CDH19: variants seen among roughly 807,000 people sequenced by gnomAD.
The protein encoded by CDH19 is cadherin-19.
In CDH19, 67 loss-of-function variants were observed where a neutral mutation model predicts 64.2. The observed-to-expected ratio is 1.04, with a 90% CI of 0.86 to 1.28. The LOEUF (loss-of-function observed/expected upper bound fraction) is 1.28, where lower values mean the gene tolerates loss of function less well. Among genes scored for constraint, CDH19 ranks in the 50% most tolerant of loss-of-function variants. The probability of loss-of-function intolerance (pLI) is 0.00; values close to 1 mark genes in which losing one functional copy is unlikely to be tolerated. For missense variants in CDH19, 1,030 were observed against 929.0 expected, an observed-to-expected ratio of 1.11 and a Z score of -1.41; for synonymous variants, 346 against 319.3, an observed-to-expected ratio of 1.08 and a Z score of -0.89.
chr18:66,544,348 T>C (rs1987019894), intron 6 of CDH19, 124 bp from the exon 7 acceptor site: 1 of 782,186 alleles, frequency 1.3e-6, no homozygotes. Flanking sequence ...TCTTTTTATG[T>C]ACATGGATCT....
chr18:66,554,282 G>A (rs756590695), intron 4 of CDH19, 123 bp downstream of exon 4: 118 of 868,768 alleles, frequency 1.4e-4, no homozygotes, highest in Non-Finnish European at 1.7e-4. Flanking sequence ...CTTAGGAATT[G>A]CAATCTTTTT....
intron 5 of CDH19, among the ~76,000 whole-genome samples, chr18:66,549,372 A>G (rs1044496103): frequency 5.3e-5 from 8 of 151,992 alleles, no homozygotes; most frequent in Non-Finnish European, 1.0e-4. Context: ...TTTAGACCAA[A>G]TTTATTTAAT....
chr18:66,532,499 C>G (rs986602334), intron 8 of CDH19: 6 of 229,710 alleles, frequency 2.6e-5, no homozygotes, highest in Admixed American at 5.3e-5. Context: ...TACACACACA[C>G]ACACACACAC....
intron 9 of CDH19, among the ~76,000 whole-genome samples, chr18:66,525,942 C>T (rs186738351): frequency 1.3e-5 from 2 of 152,172 alleles, no homozygotes; most frequent in Admixed American, 6.5e-5. Flanking sequence ...TGACCAATGT[C>T]CCTTATTTTG....
At chr18:66,529,666 TTG>T (rs1986361770) in intron 9 of CDH19, among the ~76,000 whole-genome samples, 177 bp downstream of exon 9, 1 of 147,860 alleles carries the variant, frequency 6.8e-6, no homozygotes, top group African/African-American at 2.4e-5. Flanking sequence ...TATATATAAT[TTG>T]TATATATATT....
intron 3 of CDH19, 79 bp from the exon 4 acceptor site, chr18:66,554,603 T>TAAAGAAAG: frequency 8.6e-7 from 1 of 1,169,148 alleles, no homozygotes; most frequent in Non-Finnish European, 1.2e-6. Flanking sequence ...GGTCTTTCTT[T>TAAAGAAAG]ACCAAGCAAG....
chr18:66,543,183 G>A (rs1294203978), intron 7 of CDH19, among the ~76,000 whole-genome samples: 2 of 151,980 alleles, frequency 1.3e-5, no homozygotes, highest in African/African-American at 4.8e-5. Context: ...CCGCCGCCAC[G>A]CCTGGCTAAT....
intron 7 of CDH19, among the ~76,000 whole-genome samples, chr18:66,535,334 A>C (rs1404225058): frequency 6.6e-6 from 1 of 151,618 alleles, no homozygotes; most frequent in East Asian, 1.9e-4. Flanking sequence ...TGGATGCTAA[A>C]TCTAAAATTA....
intron 1 of CDH19, among the ~76,000 whole-genome samples, chr18:66,601,818 G>T (rs1467264560): frequency 7.7e-6 from 1 of 130,536 alleles, no homozygotes; most frequent in Non-Finnish European, 1.9e-5. Flanking sequence ...GGTGAGAGTG[G>T]GTAAAAAAAA....
intron 1 of CDH19, among the ~76,000 whole-genome samples, chr18:66,588,620 C>A (rs545095512): frequency 0.16 from 16,684 of 102,832 alleles, 2,988 homozygotes; most frequent in Non-Finnish European, 0.28. Flanking sequence ...ATATCTATAT[C>A]TATATCTATA....
chr18:66,545,018 G>A (rs1260296221), intron 5 of CDH19, 115 bp from the exon 6 acceptor site: 16 of 758,060 alleles, frequency 2.1e-5, no homozygotes, highest in African/African-American at 3.6e-5. Context: ...TCATTCTGTC[G>A]CCCAGGCTGG....
intron 9 of CDH19, among the ~76,000 whole-genome samples, chr18:66,525,311 C>T (rs551978394): frequency 8.5e-5 from 13 of 152,134 alleles, no homozygotes; most frequent in African/African-American, 2.9e-4. Context: ...ATATGCACAC[C>T]ATTTCAGTTA....
chr18:66,540,073 TTCTC>T (rs150057094), intron 7 of CDH19, among the ~76,000 whole-genome samples: 6 of 149,594 alleles, frequency 4.0e-5, no homozygotes, highest in African/African-American at 7.3e-5. Flanking sequence ...AATTTTTGTC[TTCTC>T]TCTCTCTCTC....
chr18:66,568,269 C>T, intron 3 of CDH19, 147 bp downstream of exon 3: 1 of 600,652 alleles, frequency 1.7e-6, no homozygotes, highest in South Asian at 2.5e-5. Flanking sequence ...GATGCATAGT[C>T]TAATTTTTCA....
rs11410904 is a variant in CDH19, at chr18:66,582,639, C to CAAAAAAAAAAAA, written c.-112-10335_-112-10324dup. On this transcript the variant is annotated intron_variant, in intron 1 of 11. Transcript: ENST00000262150. ...ATATAATTTGCATACTTACTGTCAC[C>CAAAAAAAAAAAA]AAAAAAAAAAAAAAAAAAAAAAAGC... Among the ~76,000 whole-genome samples, 4 of 72,896 alleles carry CAAAAAAAAAAAA rather than the reference C, an allele frequency of 5.5e-5. 2 individuals are homozygous for CAAAAAAAAAAAA. Among genetic ancestry groups the CAAAAAAAAAAAA allele is most frequent in the Non-Finnish European group, 1.0e-4 (4 of 39,658 alleles). The allele number at this position is 72,896 out of a possible 152,430, so 47.8% of individuals were successfully genotyped here. A position where few individuals can be genotyped will look rare whatever the true frequency, so the allele number is the denominator to read the frequency against.
chr18:66,556,147 A>G (rs1182167110), intron 3 of CDH19, among the ~76,000 whole-genome samples: 1 of 151,556 alleles, frequency 6.6e-6, no homozygotes, highest in Non-Finnish European at 1.5e-5. Flanking sequence ...TGCTTTTTCT[A>G]TAAAATAAAT....
chr18:66,581,586 T>C (rs1988422471), intron 1 of CDH19, among the ~76,000 whole-genome samples: 1 of 152,122 alleles, frequency 6.6e-6, no homozygotes, highest in Non-Finnish European at 1.5e-5. Flanking sequence ...CTGAGTCTTC[T>C]GGCTTTCATC....
chr18:66,515,973 C>A (rs1173124980), intron 9 of CDH19, among the ~76,000 whole-genome samples: 3 of 151,756 alleles, frequency 2.0e-5, no homozygotes, highest in Non-Finnish European at 4.4e-5. Flanking sequence ...GAATTGCAAA[C>A]TTAAAAAGTA....
intron 7 of CDH19, among the ~76,000 whole-genome samples, chr18:66,543,403 T>C (rs917383848): frequency 6.6e-5 from 10 of 152,214 alleles, no homozygotes; most frequent in African/African-American, 2.2e-4. Context: ...TTTCCTCTTA[T>C]CTCCTTTCCC....
Sources: allele counts gnomAD v4.1 joint callset (sites outside exome capture counted in the v4.1 genomes callset), GRCh38; gene constraint gnomAD v4.1.1; transcripts MANE v1.5; gene names NCBI Gene and HGNC (gene_info 2026-07-23, HGNC 2026-07-21).